Variants in ZNF93 observed in about 807,000 individuals in gnomAD.
ZNF93 encodes zinc finger protein 93, also known as zinc finger protein 505.
A neutral mutation model predicts 45.0 loss-of-function variants in ZNF93; 29 were observed. The observed-to-expected ratio is 0.64, with a 90% confidence interval of 0.48 to 0.88. The LOEUF is 0.88. ZNF93 is among the 40% of genes least tolerant of loss of function. ZNF93 has a pLI of 0.00. For missense variants in ZNF93, 578 were observed against 724.0 expected, an observed-to-expected ratio of 0.80 and a Z score of 2.31; for synonymous variants, 223 against 244.6, an observed-to-expected ratio of 0.91 and a Z score of 0.82.
At chr19:19,914,363 T>C (rs1411446257) in intron 1 of ZNF93, among the ~76,000 whole-genome samples, 1 of 152,228 alleles carries the variant, frequency 6.6e-6, no homozygotes, top group Non-Finnish European at 1.5e-5. Flanking sequence ...AAATTACTAC[T>C]AAAAATTACA....
intron 1 of ZNF93, among the ~76,000 whole-genome samples, chr19:19,911,171 C>G (rs774147563): frequency 6.6e-6 from 1 of 152,250 alleles, no homozygotes; most frequent in East Asian, 1.9e-4. Context: ...AATGGGTGAT[C>G]CAGGTTCTGG....
intron 3 of ZNF93, among the ~76,000 whole-genome samples, chr19:19,919,000 TTTG>T (rs1282970416): frequency 3.3e-5 from 5 of 152,208 alleles, no homozygotes; most frequent in African/African-American, 1.2e-4. Context: ...TGCCATTGCT[TTTG>T]TTGTTTTAGA....
intron 3 of ZNF93, chr19:19,927,088 A>T (rs1004168738): frequency 5.0e-6 from 2 of 398,572 alleles, no homozygotes; most frequent in Non-Finnish European, 8.8e-6. Context: ...ACCATCTTAA[A>T]TTTATTGAAG....
At chr19:19,923,565 G>A (rs981180280) in intron 3 of ZNF93, among the ~76,000 whole-genome samples, 17 of 152,268 alleles carry the variant, frequency 1.1e-4, no homozygotes, top group Non-Finnish European at 5.9e-5. Context: ...TGGGCTCCAC[G>A]CAGTTCGAGC....
rs377042247 is a variant in ZNF93, at chr19:19,933,888, G to A, written c.933G>A (p.Lys311=). The change falls in exon 4 of 4, where the codon AAG becomes AAA. Residue 311 remains lysine, a synonymous_variant. Transcript: ENST00000343769. ...ATAAGAAAATTCATACTGGAGAGAA[G>A]CCCTACGTTTGTGAAGAATGTGGCA... ...TKHKKIHTGE[K]PYVCEECGKA... 6.2e-5 allele frequency: 99 copies of A among 1,601,382 alleles called. No individual in the cohort carries two copies. In the African/African-American group the frequency reaches 1.1e-3, roughly 18 times the overall value.
At chr19:19,929,607 C>G (rs1490881156) in intron 3 of ZNF93, among the ~76,000 whole-genome samples, 2 of 152,128 alleles carry the variant, frequency 1.3e-5, no homozygotes, top group African/African-American at 4.8e-5. Flanking sequence ...GCACCAGCCC[C>G]ACAGGATTAG....
At chr19:19,902,478 G>C (rs2063276405) in intron 1 of ZNF93, among the ~76,000 whole-genome samples, 1 of 151,838 alleles carries the variant, frequency 6.6e-6, no homozygotes, top group Non-Finnish European at 1.5e-5. Flanking sequence ...GGCTGGTCTC[G>C]AGCTCCCGGC....
rs1184879455 is a variant in ZNF93 at position 19,934,117 on chromosome 19, AAG to A, written c.1167_1168del (p.Arg389SerfsTer11). The A allele has an allele frequency of 6.2e-7, 1 of 1,611,126 alleles. No homozygotes were observed. Among genetic ancestry groups the A allele is most frequent in the Non-Finnish European group, 8.5e-7 (1 of 1,179,492 alleles). On this transcript the variant is annotated frameshift_variant, in exon 4 of 4. Transcript: ENST00000343769. LOFTEE classifies it high-confidence loss of function. ...FIWSSVLTRHKRVHTGEKPYK... is the reference protein window; with the variant it reads ...FIWSSVLTRHXRVHTGEKPYK... ...TTGGTCCTCAGTCCTAACTAGACAT[AAG>A]AGAGTTCATACTGGAGAGAAGCCCT...
intron 1 of ZNF93, chr19:19,909,595 T>A (rs1233263629): frequency 6.6e-6 from 1 of 152,260 alleles, no homozygotes; most frequent in Non-Finnish European, 1.5e-5. Flanking sequence ...GACTTTGCAG[T>A]CTCTTAAGCA....
rs527350690 is a variant in ZNF93 at position 19,929,473 on chromosome 19, T to C, written c.227-3709T>C. ...TTGCTATGTATATCTCGCTTCACTT[T>C]TATCAATATTTGCTTTATATATTTT... On this transcript the variant is annotated intron_variant, in intron 3 of 3. Coordinates refer to ENST00000343769, the MANE Select transcript of ZNF93 (RefSeq NM_031218.4). 1.6e-4 allele frequency among the ~76,000 whole-genome samples: 24 copies of C among 152,336 alleles called. No individual in the cohort carries two copies. In the South Asian group the frequency reaches 4.1e-3, roughly 26 times the overall value.
At chr19:19,911,195 C>T (rs2063306760) in intron 1 of ZNF93, among the ~76,000 whole-genome samples, 1 of 152,210 alleles carries the variant, frequency 6.6e-6, no homozygotes, top group Non-Finnish European at 1.5e-5. Context: ...TCCACCAGGG[C>T]AGTTCCATTT....
At chr19:19,906,090 T>C (rs189106758) in intron 1 of ZNF93, among the ~76,000 whole-genome samples, 5 of 152,344 alleles carry the variant, frequency 3.3e-5, no homozygotes, top group African/African-American at 1.2e-4. Flanking sequence ...TTACTAGTTC[T>C]GTGAGGAATC....
chr19:19,927,168 A>G, intron 3 of ZNF93: 2 of 398,574 alleles, frequency 5.0e-6, no homozygotes, highest in East Asian at 7.1e-5. Flanking sequence ...GGTCAAGCCA[A>G]GAGGATCCCT....
Position 19,901,868 on chromosome 19 carries a change from G to C in ZNF93, c.3+777G>C, listed in dbSNP as rs1450477950. 2.0e-5 allele frequency among the ~76,000 whole-genome samples: 3 copies of C among 152,112 alleles called. No individual in the cohort carries two copies. In the East Asian group the frequency reaches 5.8e-4, roughly 29 times the overall value. ...GCACTTTGTGAGGCCGTGGCGGGTG[G>C]ATCACAAGGTCAGGAGTTCTAGGCC... On this transcript the variant is annotated intron_variant, in intron 1 of 3. Coordinates refer to ENST00000343769, the MANE Select transcript of ZNF93 (RefSeq NM_031218.4).
At chr19:19,901,959 A>AGGC (rs1012109556) in intron 1 of ZNF93, among the ~76,000 whole-genome samples, 19 of 152,242 alleles carry the variant, frequency 1.2e-4, no homozygotes, top group African/African-American at 4.6e-4. Flanking sequence ...GATTGGTGGC[A>AGGC]GGCGTCTGTA....
intron 1 of ZNF93, among the ~76,000 whole-genome samples, chr19:19,902,231 T>C (rs990562337): frequency 6.6e-6 from 1 of 152,136 alleles, no homozygotes; most frequent in African/African-American, 2.4e-5. Context: ...GACTCCAAGC[T>C]AAGGCTAATA....
At position 19,916,548 on chromosome 19, in the gene ZNF93, T is replaced by C. The variant is rs767230617; in HGVS notation, c.131-12T>C. On this transcript the variant is annotated splice_polypyrimidine_tract_variant and intron_variant, in intron 2 of 3. Transcript: ENST00000343769. Reference sequence around the variant, plus strand: ...TGAGCAAGATTCATGTTATTTATTCTTAACAAAACAGGTATTGTTGTCTCT... The same window carrying C: ...TGAGCAAGATTCATGTTATTTATTCCTAACAAAACAGGTATTGTTGTCTCT... 4 of 1,607,098 alleles carry C rather than the reference T, an allele frequency of 2.5e-6. No homozygotes were observed. Among genetic ancestry groups the C allele is most frequent in the Non-Finnish European group, 2.6e-6 (3 of 1,174,748 alleles).
In ZNF93 at chr19:19,934,283, A is replaced by G; in HGVS notation, c.1328A>G (p.His443Arg). Reference protein sequence around the residue: ...AFVASSTLSKHEIIHTGKKPY... With the variant: ...AFVASSTLSKREIIHTGKKPY... ...GTTGCATCCTCAACCCTTAGTAAAC[A>G]TGAGATCATTCATACTGGAAAGAAA... is the stretch of plus-strand genomic sequence containing the variant. Residue 443 changes from histidine to arginine, a missense_variant, in exon 4 of 4, where the codon CAT (histidine) becomes CGT (arginine). His to Arg is a conservative substitution (Grantham distance 29). Coordinates refer to ENST00000343769, the MANE Select transcript of ZNF93 (RefSeq NM_031218.4). The G allele has an allele frequency of 6.8e-6, 11 of 1,613,084 alleles. No individual in the cohort carries two copies. Among genetic ancestry groups the G allele is most frequent in the Non-Finnish European group, 8.5e-6 (10 of 1,179,962 alleles).
intron 1 of ZNF93, among the ~76,000 whole-genome samples, chr19:19,902,422 C>G (rs923737487): frequency 6.6e-6 from 1 of 151,936 alleles, no homozygotes; most frequent in African/African-American, 2.4e-5. Context: ...TCATGCTTGG[C>G]TGATTTTGTG....
Sources: gnomAD v4.1 joint callset for allele counts (sites outside exome capture counted in the v4.1 genomes callset) on GRCh38, gnomAD v4.1.1 for gene constraint, MANE v1.5 for transcripts, NCBI Gene and HGNC (gene_info 2026-07-23, HGNC 2026-07-21) for gene names.